Variants in NR1H4 observed in about 807,000 individuals in gnomAD.
NR1H4 encodes bile acid receptor.
In NR1H4, 23 loss-of-function variants were observed where a neutral mutation model predicts 58.5. That is an observed-to-expected ratio of 0.39 (90% CI 0.28 to 0.56). The LOEUF (loss-of-function observed/expected upper bound fraction) is 0.56. NR1H4 is among the 20% of genes least tolerant of loss of function. NR1H4 has a pLI of 0.58. For synonymous variants in NR1H4, 214 were observed against 198.0 expected, an observed-to-expected ratio of 1.08 and a Z score of -0.68; for missense variants, 487 against 576.9, an observed-to-expected ratio of 0.84 and a Z score of 1.60.
intron 10 of NR1H4, among the ~76,000 whole-genome samples, chr12:100,562,439 G>A (rs1352760042): frequency 6.6e-6 from 1 of 151,980 alleles, no homozygotes; most frequent in Admixed American, 6.6e-5. Context: ...TTTTTAAGTG[G>A]GTGGCATTGG....
Position 100,476,187 on chromosome 12 carries a change from T to C in NR1H4, c.-190+2128T>C, listed in dbSNP as rs950624499. ...AAGCCTCTTCCTGGCTACTCTGATA[T>C]TGGCTATTGGCGGAGGCTGGGAAAA... On this transcript the variant is annotated intron_variant, in intron 1 of 10. Transcript: ENST00000392986. 3.5e-4 allele frequency among the ~76,000 whole-genome samples: 54 copies of C among 152,276 alleles called. 1 individual carries two copies. The highest frequency in any genetic ancestry group is 5.9e-4 in the Admixed American group (9 of 15,300).
chr12:100,517,066 T>C (rs938013612), intron 4 of NR1H4, among the ~76,000 whole-genome samples: 7 of 152,226 alleles, frequency 4.6e-5, no homozygotes, highest in Non-Finnish European at 1.0e-4. Flanking sequence ...CTAGTTATTT[T>C]GAAATACACA....
At chr12:100,557,392 A>G (rs868718773) in intron 9 of NR1H4, among the ~76,000 whole-genome samples, 5 of 152,306 alleles carry the variant, frequency 3.3e-5, no homozygotes, top group African/African-American at 1.2e-4. Context: ...TGAGGGGTCT[A>G]CCCCAATGAC....
intron 1 of NR1H4, among the ~76,000 whole-genome samples, chr12:100,486,525 A>C (rs1481303583): frequency 6.6e-6 from 1 of 152,202 alleles, no homozygotes; most frequent in Admixed American, 6.5e-5. Context: ...TGAAAGGCAA[A>C]ATTAAATATC....
intron 8 of NR1H4, 80 bp downstream of exon 8, chr12:100,537,127 C>A (rs1474053617): frequency 2.2e-6 from 2 of 898,078 alleles, no homozygotes; most frequent in Non-Finnish European, 3.6e-6. Flanking sequence ...ATTTTACATA[C>A]GGTGTTTTAA....
At chr12:100,528,027 C>T (rs1954605146) in intron 4 of NR1H4, among the ~76,000 whole-genome samples, 1 of 152,130 alleles carries the variant, frequency 6.6e-6, no homozygotes. Context: ...CTATTTAGGT[C>T]ATCTTGAATG....
rs1257257542 is a variant in NR1H4, at chr12:100,516,501, G to A, written c.445+5358G>A. 3.3e-5 allele frequency among the ~76,000 whole-genome samples: 5 copies of A among 152,096 alleles called. No individual in the cohort carries two copies. The South Asian group carries it at 1.0e-3, about 32-fold the overall frequency. On this transcript the variant is annotated intron_variant, in intron 4 of 10. Coordinates refer to ENST00000392986, the MANE Select transcript of NR1H4 (RefSeq NM_001206979.2). ...CCTGCCTCAGCCTCCCGAGTAGCTG[G>A]GACTACAGGCACCTGCCACCACGCC...
chr12:100,554,814 T>G (rs1955287071), intron 9 of NR1H4, among the ~76,000 whole-genome samples: 1 of 152,220 alleles, frequency 6.6e-6, no homozygotes, highest in Non-Finnish European at 1.5e-5. Flanking sequence ...CCCTTCAGGA[T>G]GATGTTAGTG....
intron 3 of NR1H4, chr12:100,505,930 C>T: frequency 3.5e-6 from 1 of 289,334 alleles, no homozygotes; most frequent in Admixed American, 4.7e-5. Flanking sequence ...AAAGGCTGGG[C>T]CTTCGTATGT....
At chr12:100,497,318 G>A (rs189569909) in intron 3 of NR1H4, among the ~76,000 whole-genome samples, 2 of 152,276 alleles carry the variant, frequency 1.3e-5, no homozygotes, top group East Asian at 3.9e-4. Flanking sequence ...GAAAGCATAG[G>A]AACGTGCGGC....
chr12:100,537,359 T>C (rs1306022510), intron 8 of NR1H4, among the ~76,000 whole-genome samples: 4 of 152,236 alleles, frequency 2.6e-5, no homozygotes, highest in Non-Finnish European at 5.9e-5. Flanking sequence ...TTTAAAATAA[T>C]GTATAATAAT....
intron 10 of NR1H4, 105 bp from the exon 11 acceptor site, chr12:100,563,146 C>T: frequency 1.1e-6 from 1 of 884,776 alleles, no homozygotes; most frequent in Non-Finnish European, 1.8e-6. Context: ...ATTTTGTGTA[C>T]AACATTTAAC....
chr12:100,551,002 C>T (rs749155669), intron 9 of NR1H4, among the ~76,000 whole-genome samples: 2 of 152,142 alleles, frequency 1.3e-5, no homozygotes, highest in Non-Finnish European at 2.9e-5. Context: ...CAAGTTCATA[C>T]AGCTAATCAA....
At chr12:100,503,204 C>T (rs1010092826) in intron 3 of NR1H4, among the ~76,000 whole-genome samples, 1 of 152,088 alleles carries the variant, frequency 6.6e-6, no homozygotes, top group Non-Finnish European at 1.5e-5. Flanking sequence ...GAAAAGTACT[C>T]CCCCAAAATG....
chr12:100,547,410 A>C (rs945475154), intron 9 of NR1H4, among the ~76,000 whole-genome samples: 20 of 152,268 alleles, frequency 1.3e-4, no homozygotes, highest in Middle Eastern at 3.4e-3. Context: ...GTAACATTCC[A>C]GCAAGTGGGG....
rs1954819044 is a variant in NR1H4, at chr12:100,536,545, C to T, written c.766C>T (p.Leu256Phe). ...KTELTPDQQT[L>F]LHFIMDSYNK... ...TGAACTCACCCCAGATCAACAGACT[C>T]TTCTACATTTTATTATGGATTCATA... The change falls in exon 7 of 11, where the codon CTT (leucine) becomes TTT (phenylalanine). Residue 256 changes from leucine (L) to phenylalanine (F), a missense_variant. By Grantham distance (22) the Leu-to-Phe change is conservative. Transcript: ENST00000392986. 3.7e-6 allele frequency: 6 copies of T among 1,610,324 alleles called. No homozygotes were observed. Among genetic ancestry groups the T allele is most frequent in the Non-Finnish European group, 5.1e-6 (6 of 1,176,790 alleles).
At chr12:100,553,576 T>C (rs557286978) in intron 9 of NR1H4, among the ~76,000 whole-genome samples, 110 of 152,260 alleles carry the variant, frequency 7.2e-4, no homozygotes, top group Non-Finnish European at 8.8e-4. Context: ...GTCAGAATGC[T>C]CTTGGCCGAT....
intron 1 of NR1H4, among the ~76,000 whole-genome samples, chr12:100,475,159 A>ATCTATCTATCTATCTATCTC (rs1555330004): frequency 6.8e-6 from 1 of 147,742 alleles, no homozygotes; most frequent in African/African-American, 2.6e-5. Context: ...CTATCTATCT[A>ATCTATCTATCTATCTATCTC]AATTTTTTTT....
chr12:100,556,077 C>T (rs1031165362), intron 9 of NR1H4, among the ~76,000 whole-genome samples: 18 of 152,208 alleles, frequency 1.2e-4, no homozygotes, highest in East Asian at 9.6e-4. Context: ...GAGAGGAAAA[C>T]GGCAAGGATT....
Sources: gnomAD v4.1 joint callset for allele counts (sites outside exome capture counted in the v4.1 genomes callset) on GRCh38, gnomAD v4.1.1 for gene constraint, MANE v1.5 for transcripts, NCBI Gene and HGNC (gene_info 2026-07-23, HGNC 2026-07-21) for gene names.